Variants in DENND5B observed in about 807,000 individuals in gnomAD.
DENND5B encodes the protein DENN domain-containing protein 5B.
In DENND5B, 34 loss-of-function variants were observed where a neutral mutation model predicts 140.6. That is an observed-to-expected ratio of 0.24 (90% confidence interval 0.18 to 0.32). The LOEUF is 0.32. DENND5B is among the 10% of genes least tolerant of loss of function. The pLI, the probability that DENND5B is intolerant of heterozygous loss-of-function variation, is 1.00. For missense variants in DENND5B, 1,142 were observed against 1,560.2 expected (o/e 0.73, Z 4.52); for synonymous variants, 551 against 562.1 (o/e 0.98, Z 0.28).
intron 1 of DENND5B, among the ~76,000 whole-genome samples, chr12:31,580,005 G>C (rs1950165214): frequency 1.9e-5 from 2 of 107,290 alleles, no homozygotes; most frequent in African/African-American, 7.0e-5. Flanking sequence ...AAACTTTATT[G>C]AAACAAAGAG....
chr12:31,438,303 G>T (rs1029094957), intron 7 of DENND5B, among the ~76,000 whole-genome samples: 1 of 152,118 alleles, frequency 6.6e-6, no homozygotes, highest in Non-Finnish European at 1.5e-5. Flanking sequence ...AGCAAATATT[G>T]TATCCATCTA....
intron 11 of DENND5B, among the ~76,000 whole-genome samples, chr12:31,417,609 T>A (rs561744593): frequency 6.6e-6 from 1 of 152,246 alleles, no homozygotes; most frequent in African/African-American, 2.4e-5. Flanking sequence ...ACCTGGCTAA[T>A]TTTTGTATTT....
rs1274823029 is a variant in DENND5B at position 31,479,625 on chromosome 12, C to T, written c.868G>A (p.Val290Ile). The T allele has an allele frequency of 6.6e-7, 1 of 1,510,118 alleles. No individual in the cohort carries two copies. Among genetic ancestry groups the T allele is most frequent in the African/African-American group, 1.4e-5 (1 of 71,696 alleles). 93.5% of individuals were successfully genotyped at this position (1,510,118 alleles called of 1,614,324 possible). ...AGAAGGATTTGCATCTCTAAAAGAA[C>T]ACAGGTAAACACCTGCACCAGGTTC... is the stretch of plus-strand genomic sequence containing the variant. The part of the protein sequence containing the change: ...LENLVQVFTC[V>I]LLEMQILLYS... Residue 290 changes from valine (V) to isoleucine (I), a missense_variant, in exon 3 of 21, where the codon GTT (valine) becomes ATT (isoleucine). By Grantham distance (29) the Val-to-Ile change is conservative. This residue lies in a region of DENND5B where 708 missense variants were observed against 905.5 expected (regional missense o/e 0.78). Transcript: ENST00000389082.
intron 1 of DENND5B, among the ~76,000 whole-genome samples, chr12:31,578,143 A>C (rs1462825383): frequency 1.3e-5 from 2 of 151,516 alleles, no homozygotes; most frequent in African/African-American, 4.8e-5. Context: ...AAAAAAAAAA[A>C]AAAAAAAACT....
At chr12:31,428,473 C>T (rs537881003) in intron 8 of DENND5B, among the ~76,000 whole-genome samples, 73 of 152,192 alleles carry the variant, frequency 4.8e-4, no homozygotes, top group Non-Finnish European at 9.4e-4. Context: ...GCAATCTCAA[C>T]TAACTGCTAC....
intron 7 of DENND5B, 119 bp from the exon 8 acceptor site, chr12:31,433,367 C>T (rs1479383576): frequency 1.2e-6 from 1 of 865,784 alleles, no homozygotes; most frequent in East Asian, 2.9e-5. Flanking sequence ...AAATATATAG[C>T]AGCTTTGTTA....
At chr12:31,461,832 T>C (rs559398533) in intron 3 of DENND5B, among the ~76,000 whole-genome samples, 1 of 152,194 alleles carries the variant, frequency 6.6e-6, no homozygotes, top group African/African-American at 2.4e-5. Context: ...CACAGTAAAA[T>C]CTTTGGGAGG....
intron 3 of DENND5B, among the ~76,000 whole-genome samples, chr12:31,471,796 T>C (rs942234163): frequency 6.6e-6 from 1 of 152,186 alleles, no homozygotes; most frequent in East Asian, 1.9e-4. Context: ...GATGGCTATA[T>C]GTGATCCAGA....
chr12:31,561,281 C>T (rs1949465582), intron 1 of DENND5B, among the ~76,000 whole-genome samples: 1 of 152,172 alleles, frequency 6.6e-6, no homozygotes, highest in Admixed American at 6.6e-5. Flanking sequence ...AGAGAAACAG[C>T]AAGAAAATAT....
rs1399611803 is a variant in DENND5B at position 31,590,880 on chromosome 12, C to T, written c.-48G>A. 1 of 1,183,924 alleles carries T rather than the reference C, an allele frequency of 8.4e-7. No individual in the cohort carries two copies. Among genetic ancestry groups the T allele is most frequent in the East Asian group, 3.8e-5 (1 of 26,194 alleles). The allele number at this position is 1,183,924 out of a possible 1,614,324, so 73.3% of individuals were successfully genotyped here. ...CCGCCGCCGCCGCCGCCCGGGAAGG[C>T]TTTCTGCGGAGGCTGCCACCACCGC... On this transcript the variant is annotated 5_prime_UTR_variant, in exon 1 of 21. Transcript: ENST00000389082.
At chr12:31,493,817 C>T (rs540788599) in intron 2 of DENND5B, among the ~76,000 whole-genome samples, 3 of 152,222 alleles carry the variant, frequency 2.0e-5, no homozygotes, top group South Asian at 2.1e-4. Context: ...GGTGACAGAG[C>T]GAGACTATCT....
At chr12:31,497,798 C>T (rs1456204070) in intron 1 of DENND5B, among the ~76,000 whole-genome samples, 1 of 13,166 alleles carries the variant, frequency 7.6e-5, no homozygotes, top group African/African-American at 2.4e-4. Flanking sequence ...GGGGGAGGGG[C>T]ATGGGGAGGG....
At chr12:31,471,293 G>C (rs1945546921) in intron 3 of DENND5B, among the ~76,000 whole-genome samples, 2 of 152,016 alleles carry the variant, frequency 1.3e-5, no homozygotes, top group Admixed American at 1.3e-4. Context: ...AGAGATCTTA[G>C]AGACACTCTT....
At chr12:31,575,412 G>A (rs956755081) in intron 1 of DENND5B, among the ~76,000 whole-genome samples, 4 of 152,306 alleles carry the variant, frequency 2.6e-5, no homozygotes, top group East Asian at 1.9e-4. Flanking sequence ...AGAGTAGATT[G>A]TGACTACCCA....
At chr12:31,545,447 C>G (rs1314329652) in intron 1 of DENND5B, among the ~76,000 whole-genome samples, 5 of 152,038 alleles carry the variant, frequency 3.3e-5, no homozygotes, top group Admixed American at 3.3e-4. Context: ...TCTATGAGTA[C>G]CCAATGTTTA....
At chr12:31,397,531 G>C (rs1941539217) in intron 17 of DENND5B, among the ~76,000 whole-genome samples, 2 of 104,480 alleles carry the variant, frequency 1.9e-5, no homozygotes. Flanking sequence ...CTGGGTGACA[G>C]AGTGAGATTC....
intron 1 of DENND5B, among the ~76,000 whole-genome samples, chr12:31,525,622 T>G (rs1006941715): frequency 6.6e-6 from 1 of 152,212 alleles, no homozygotes; most frequent in Admixed American, 6.5e-5. Context: ...AATATATGCA[T>G]AGCAATTGAA....
chr12:31,532,136 A>G (rs1948310487), intron 1 of DENND5B, among the ~76,000 whole-genome samples: 1 of 152,248 alleles, frequency 6.6e-6, no homozygotes, highest in Admixed American at 6.5e-5. Context: ...TGAAGAAAGA[A>G]GCACAGTTTA....
intron 1 of DENND5B, among the ~76,000 whole-genome samples, chr12:31,545,161 T>C (rs559748195): frequency 9.3e-4 from 141 of 152,286 alleles, no homozygotes; most frequent in African/African-American, 3.3e-3. Context: ...CCAAAAAAAC[T>C]AAAAAATTCA....
Sources: gnomAD v4.1 joint callset for allele counts (sites outside exome capture counted in the v4.1 genomes callset) on GRCh38, gnomAD v4.1.1 for gene constraint, gnomAD v4.1.1 regional missense constraint, MANE v1.5 for transcripts, NCBI Gene and HGNC (gene_info 2026-07-23, HGNC 2026-07-21) for gene names.